The following MELTF variants were observed in gnomAD, a reference collection of about 807,000 sequenced individuals.
MELTF encodes antigen p97 (melanoma associated) identified by monoclonal antibodies 133.2 and 96.5.
In MELTF, 67 loss-of-function variants were observed where a neutral mutation model predicts 83.7. That is an observed-to-expected ratio of 0.80 (90% CI 0.66 to 0.98). MELTF has a LOEUF of 0.98. Ranked by LOEUF, MELTF falls within the 50% of genes least tolerant of loss-of-function variation. MELTF has a pLI of 0.00. For missense variants in MELTF, 1,002 were observed against 1,035.6 expected (o/e 0.97, Z 0.44); for synonymous variants, 462 against 447.6 (o/e 1.03, Z -0.41).
chr3:197,027,720 C>T, intron 2 of MELTF, 36 bp downstream of exon 2: 1 of 1,584,352 alleles, frequency 6.3e-7, no homozygotes, highest in Non-Finnish European at 8.6e-7. Context: ...GAGTCACAGC[C>T]CTCTTGTCTG....
chr3:197,027,291 G>C (rs1406820223), intron 2 of MELTF, among the ~76,000 whole-genome samples: 3 of 152,224 alleles, frequency 2.0e-5, no homozygotes, highest in African/African-American at 7.2e-5. Flanking sequence ...CCACTCTCTG[G>C]TGGTGCCTCG....
chr3:197,023,816 G>C (rs1367144250), intron 4 of MELTF: 1 of 455,804 alleles, frequency 2.2e-6, no homozygotes, highest in Non-Finnish European at 4.4e-6. Context: ...AGCTGAGAGG[G>C]TGAGGCTTCC....
intron 3 of MELTF, 189 bp downstream of exon 3, chr3:197,026,471 C>T: frequency 1.7e-6 from 1 of 596,268 alleles, no homozygotes; most frequent in Non-Finnish European, 3.0e-6. Context: ...CTTGGGGCAG[C>T]TCTCTGTGTC....
rs148616625 is a variant in MELTF, at chr3:197,006,725, C to T, written c.1762G>A (p.Glu588Lys). ...GACCTGAGCTCAGCAGCCCAGGGCT[C>T]GGAATTGTGGCCTGAGGGGGGTAAA... Reference protein sequence around the residue: ...VFDNTNGHNSEPWAAELRSED... With the variant: ...VFDNTNGHNSKPWAAELRSED... The change falls in exon 14 of 16, where the codon GAG becomes AAG. Residue 588 changes from glutamate to lysine, a missense_variant. By Grantham distance (56) the Glu-to-Lys change is moderately conservative. Transcript: ENST00000296350. This position sits in a 1 kb window ranked among gnomAD's most constrained non-coding sequence, Gnocchi z 5.4. The T allele has an allele frequency of 7.4e-4, 1,136 of 1,531,334 alleles. 12 individuals carry two copies. The Middle Eastern group carries it at 0.012, about 16-fold the overall frequency. 94.9% of individuals were successfully genotyped at this position (1,531,334 alleles called of 1,614,324 possible). A position where few individuals can be genotyped will look rare whatever the true frequency, so the allele number is the denominator to read the frequency against.
chr3:197,025,102 C>G (rs549446036), intron 3 of MELTF, among the ~76,000 whole-genome samples: 3 of 152,236 alleles, frequency 2.0e-5, no homozygotes, highest in Non-Finnish European at 4.4e-5. Context: ...CCTTGCAAAG[C>G]GTTCCCCTGT....
Position 197,029,330 on chromosome 3 carries a change from G to A in MELTF, c.49+324C>T. 3.3e-6 allele frequency: 1 copy of A among 302,606 alleles called. No individual in the cohort carries two copies. 18.7% of individuals were successfully genotyped at this position (302,606 alleles called of 1,614,324 possible). A position where few individuals can be genotyped will look rare whatever the true frequency, so the allele number is the denominator to read the frequency against. ...CCCCAAAGTCTTCCTGAGTTCCTGC[G>A]CCCGTCGGGAGGGGCCGCCCTCCGG... is the stretch of plus-strand genomic sequence containing the variant. On this transcript the variant is annotated intron_variant, in intron 1 of 15. Transcript: ENST00000296350. This position sits in a 1 kb window ranked among gnomAD's most constrained non-coding sequence, Gnocchi z 6.5.
intron 4 of MELTF, chr3:197,023,854 T>G (rs1719731766): frequency 2.2e-6 from 1 of 457,892 alleles, no homozygotes; most frequent in Admixed American, 2.3e-5. Context: ...CACGGCTGGT[T>G]GGGCTGATGA....
intron 8 of MELTF, 50 bp downstream of exon 8, chr3:197,016,139 C>A: frequency 6.9e-7 from 1 of 1,439,524 alleles, no homozygotes; most frequent in East Asian, 2.6e-5. Flanking sequence ...TCGCCATGCC[C>A]GAGGTTGAGC....
Position 197,024,207 on chromosome 3 carries a change from G to A in MELTF, c.487+96C>T, listed in dbSNP as rs888161868. On this transcript the variant is annotated intron_variant, in intron 4 of 15. Coordinates refer to ENST00000296350, the MANE Select transcript of MELTF (RefSeq NM_005929.6). This position sits in a 1 kb window ranked among gnomAD's most constrained non-coding sequence, Gnocchi z 5.3. ...CCTTCCAGGAATGAAGAATGGTGGC[G>A]AGGCCGGAGGGAGGCTACCCAGTGA... is the stretch of plus-strand genomic sequence containing the variant. 2.1e-5 allele frequency: 28 copies of A among 1,338,432 alleles called. No homozygotes were observed. The highest frequency in any genetic ancestry group is 2.8e-5 in the South Asian group (2 of 71,466). The allele number at this position is 1,338,432 out of a possible 1,614,324, so 82.9% of individuals were successfully genotyped here. A position where few individuals can be genotyped will look rare whatever the true frequency, so the allele number is the denominator to read the frequency against.
chr3:197,018,613 AT>A (rs1179973094), intron 6 of MELTF, among the ~76,000 whole-genome samples: 1 of 149,794 alleles, frequency 6.7e-6, no homozygotes, highest in Non-Finnish European at 1.5e-5. Context: ...TGCCTGGCTA[AT>A]TTTTGTATTT....
At chr3:197,021,270 C>T in intron 6 of MELTF, 134 bp downstream of exon 6, 1 of 774,526 alleles carries the variant, frequency 1.3e-6, no homozygotes, top group Non-Finnish European at 2.1e-6. Context: ...TGGGACTTGT[C>T]CAAGGTCACC....
chr3:197,008,855 CA>C lies in MELTF; in HGVS notation c.1635del (p.Cys545TrpfsTer83), dbSNP rs1341279691. ...TAATACCGCTCCTGGCTGTTGCCCA[CA>C]CACTTGTTGCGGCCCTGCTCGTCCC... The part of the protein sequence containing the change: ...CVGDEQGRNK[C>X]VGNSQERYYG... On this transcript the variant is annotated frameshift_variant, in exon 12 of 16. Transcript: ENST00000296350. LOFTEE classifies it high-confidence loss of function. The surrounding 1 kb of genome is among the most constrained non-coding windows in gnomAD (Gnocchi z 5.4). The C allele has an allele frequency of 1.9e-6, 3 of 1,614,082 alleles. No homozygotes were observed. In the African/African-American group the frequency reaches 4.0e-5, roughly 22 times the overall value.
chr3:197,005,204 G>A (rs1243517646), intron 14 of MELTF, among the ~76,000 whole-genome samples: 4 of 152,172 alleles, frequency 2.6e-5, no homozygotes, highest in Non-Finnish European at 4.4e-5. Context: ...CACAACCAAT[G>A]GGATCTGCTG....
At position 197,007,025 on chromosome 3, in the gene MELTF, A is replaced by C. The variant is rs1294626025; in HGVS notation, c.1751-289T>G. 2.0e-5 allele frequency among the ~76,000 whole-genome samples: 3 copies of C among 152,170 alleles called. No homozygotes were observed. The highest frequency in any genetic ancestry group is 4.4e-5 in the Non-Finnish European group (3 of 68,026). On this transcript the variant is annotated intron_variant, in intron 13 of 15. Coordinates refer to ENST00000296350, the MANE Select transcript of MELTF (RefSeq NM_005929.6). The surrounding 1 kb of genome is among the most constrained non-coding windows in gnomAD (Gnocchi z 4.3). The stretch of plus-strand genomic sequence containing the variant: ...TGCTTGATCCCCACAACAGTAACGC[A>C]GGGTAGGTGTTTTTGTCCCCATTTT...
intron 3 of MELTF, 176 bp downstream of exon 3, chr3:197,026,484 T>C (rs4916598): frequency 0.41 from 248,741 of 608,836 alleles, 55,054 homozygotes; most frequent in East Asian, 0.58. Flanking sequence ...TCTGTGTCCC[T>C]GGAGCTCCTG....
intron 6 of MELTF, among the ~76,000 whole-genome samples, chr3:197,020,429 C>T (rs12636071): frequency 0.6 from 91,459 of 151,722 alleles, 28,311 homozygotes; most frequent in East Asian, 0.85. Context: ...AGATACATAC[C>T]AAAGTATTCA....
At position 197,001,907 on chromosome 3, in the gene MELTF, G is replaced by C. The variant is rs985614278; in HGVS notation, c.*1465C>G. The C allele has an allele frequency of 7.2e-5, 11 of 152,182 alleles. No homozygotes were observed. The highest frequency in any genetic ancestry group is 2.7e-4 in the African/African-American group (11 of 41,402). The allele number at this position is 152,182 out of a possible 1,614,324, so 9.4% of individuals were successfully genotyped here. ...GCAGGCCACACCTTCAATGGCCACG[G>C]CACGCTAGCCCAGAGTTAGCCACAC... On this transcript the variant is annotated 3_prime_UTR_variant, in exon 16 of 16. Coordinates refer to ENST00000296350, the MANE Select transcript of MELTF (RefSeq NM_005929.6).
chr3:197,018,210 C>G (rs541907935), intron 6 of MELTF, among the ~76,000 whole-genome samples: 1 of 149,998 alleles, frequency 6.7e-6, no homozygotes. Context: ...TGCAGTGGCA[C>G]GATCTCGGCT....
In MELTF at chr3:197,003,900, C is replaced by T. The variant is rs375645349; in HGVS notation, c.2137+1G>A. The T allele has an allele frequency of 1.2e-5, 19 of 1,613,042 alleles. No homozygotes were observed. Among genetic ancestry groups the T allele is most frequent in the African/African-American group, 2.7e-5 (2 of 74,920 alleles). ...GAGGCGGCAGGGCGGGCCTGTCCTA[C>T]CTGCGCCCGAGCACTGCTGAGACGA... On this transcript the variant is annotated splice_donor_variant, in intron 15 of 15. Coordinates refer to ENST00000296350, the MANE Select transcript of MELTF (RefSeq NM_005929.6). LOFTEE classifies it high-confidence loss of function. This position sits in a 1 kb window ranked among gnomAD's most constrained non-coding sequence, Gnocchi z 6.2.
Sources: gnomAD v4.1 joint callset for allele counts (sites outside exome capture counted in the v4.1 genomes callset) on GRCh38, gnomAD v4.1.1 for gene constraint, Gnocchi (gnomAD v3.1) non-coding constraint, MANE v1.5 for transcripts, NCBI Gene and HGNC (gene_info 2026-07-23, HGNC 2026-07-21) for gene names.